TRIM24: variants seen among roughly 807,000 people sequenced by gnomAD.
TRIM24 encodes the protein tripartite motif containing 24.
Under a neutral mutation model 123.9 loss-of-function variants are expected in TRIM24, and 29 were observed. The observed-to-expected ratio is 0.23, with a 90% CI of 0.17 to 0.32. TRIM24 has a LOEUF of 0.32. Among genes scored for constraint, TRIM24 ranks in the 10% least tolerant of loss-of-function variants. The pLI is 1.00. For synonymous variants in TRIM24, 456 were observed against 461.1 expected (o/e 0.99, Z 0.14); for missense variants, 932 against 1,295.3 (o/e 0.72, Z 4.31).
intron 1 of TRIM24, among the ~76,000 whole-genome samples, chr7:138,493,734 G>A (rs1261165074): frequency 1.3e-5 from 2 of 152,056 alleles, no homozygotes; most frequent in Admixed American, 6.6e-5. Flanking sequence ...TAGCAACAGC[G>A]AGCCATTCTA....
At chr7:138,561,874 A>G (rs1333676632) in intron 9 of TRIM24, among the ~76,000 whole-genome samples, 1 of 152,112 alleles carries the variant, frequency 6.6e-6, no homozygotes, top group Non-Finnish European at 1.5e-5. Context: ...TTGTGGCTTC[A>G]TATAATGGCT....
intron 1 of TRIM24, among the ~76,000 whole-genome samples, chr7:138,468,506 T>C (rs1795201281): frequency 1.3e-5 from 2 of 152,222 alleles, no homozygotes; most frequent in Non-Finnish European, 2.9e-5. Context: ...ATTTTTCCCA[T>C]GCTTTTACTT....
intron 4 of TRIM24, among the ~76,000 whole-genome samples, chr7:138,524,005 A>G (rs1249788520): frequency 6.6e-6 from 1 of 152,144 alleles, no homozygotes. Context: ...TAGTATTGTC[A>G]TTTTGGGACA....
intron 5 of TRIM24, among the ~76,000 whole-genome samples, chr7:138,527,111 T>G (rs1290150495): frequency 6.6e-6 from 1 of 152,178 alleles, no homozygotes; most frequent in East Asian, 1.9e-4. Context: ...TGTTGAATTG[T>G]TTTTCAGCAC....
At chr7:138,463,940 A>C (rs1459299645) in intron 1 of TRIM24, among the ~76,000 whole-genome samples, 4 of 135,090 alleles carry the variant, frequency 3.0e-5, no homozygotes, top group Non-Finnish European at 6.3e-5. Context: ...TTGTCCCTTT[A>C]TCTCTCCTTG....
intron 1 of TRIM24, among the ~76,000 whole-genome samples, chr7:138,499,113 T>A (rs1475592736): frequency 6.6e-6 from 1 of 152,180 alleles, no homozygotes; most frequent in East Asian, 1.9e-4. Context: ...CTGTATCAAT[T>A]TCTACATTAT....
rs111799636 is a variant in TRIM24, at chr7:138,547,376, A to G, written c.1144-3687A>G. Among the ~76,000 whole-genome samples the G allele has an allele frequency of 5.2e-3, 798 of 152,318 alleles. 7 individuals are homozygous for G. The highest frequency in any genetic ancestry group is 0.017 in the African/African-American group (692 of 41,568). On this transcript the variant is annotated intron_variant, in intron 7 of 18. Coordinates refer to ENST00000343526, the MANE Select transcript of TRIM24 (RefSeq NM_015905.3). Reference sequence around the variant, plus strand: ...TGTGTTTGTATTCTTGAAAATTGCTAAGAGAATTGATTTTAAGTGTTCTCA... The same window carrying G: ...TGTGTTTGTATTCTTGAAAATTGCTGAGAGAATTGATTTTAAGTGTTCTCA...
In TRIM24 at chr7:138,585,139, GA is replaced by G; in HGVS notation, c.*191del. 2.4e-6 allele frequency: 1 copy of G among 417,680 alleles called. No homozygotes were observed. Among genetic ancestry groups the G allele is most frequent in the Non-Finnish European group, 4.2e-6 (1 of 239,338 alleles). The allele number at this position is 417,680 out of a possible 1,614,324, so 25.9% of individuals were successfully genotyped here. The stretch of plus-strand genomic sequence containing the variant: ...AACCTCTTATCACTAAGAAAGAAAG[GA>G]AAGAAGGAGATGAATAGAAGAAAGA... On this transcript the variant is annotated 3_prime_UTR_variant, in exon 19 of 19. Coordinates refer to ENST00000343526, the MANE Select transcript of TRIM24 (RefSeq NM_015905.3).
chr7:138,519,455 G>T (rs1378321728), intron 4 of TRIM24, 134 bp downstream of exon 4: 4 of 989,736 alleles, frequency 4.0e-6, no homozygotes, highest in Non-Finnish European at 5.9e-6. Context: ...CTGTACTGGG[G>T]TTTGTCACTT....
At chr7:138,478,726 G>A (rs565720770) in intron 1 of TRIM24, among the ~76,000 whole-genome samples, 12 of 152,166 alleles carry the variant, frequency 7.9e-5, no homozygotes, top group Non-Finnish European at 1.6e-4. Context: ...AGAAGGGGCA[G>A]GAGAGGGAAA....
At position 138,460,927 on chromosome 7, in the gene TRIM24, C is replaced by T. The variant is rs750222314; in HGVS notation, c.364+15C>T. The T allele has an allele frequency of 1.4e-6, 2 of 1,430,042 alleles. No individual in the cohort carries two copies. The highest frequency in any genetic ancestry group is 1.4e-5 in the South Asian group (1 of 69,572). The allele number at this position is 1,430,042 out of a possible 1,614,324, so 88.6% of individuals were successfully genotyped here. On this transcript the variant is annotated intron_variant, in intron 1 of 18. Coordinates refer to ENST00000343526, the MANE Select transcript of TRIM24 (RefSeq NM_015905.3). ...CGCCACCCAAGGTGAGAACCGGCCGCGGCCGCTGGGGAGCCCGGGGAGAGG... is the reference window on the plus strand; with the variant it reads ...CGCCACCCAAGGTGAGAACCGGCCGTGGCCGCTGGGGAGCCCGGGGAGAGG...
chr7:138,535,836 G>A (rs1199164962), intron 6 of TRIM24, among the ~76,000 whole-genome samples: 5 of 151,916 alleles, frequency 3.3e-5, no homozygotes, highest in South Asian at 2.1e-4. Context: ...CATTCTCCCC[G>A]TCACTTTCAG....
chr7:138,522,789 T>A (rs1414364137), intron 4 of TRIM24, among the ~76,000 whole-genome samples: 1 of 152,206 alleles, frequency 6.6e-6, no homozygotes, highest in Non-Finnish European at 1.5e-5. Context: ...ATATGATCTC[T>A]ATATACTTGC....
chr7:138,541,185 C>T (rs185140716), intron 7 of TRIM24, among the ~76,000 whole-genome samples: 59 of 152,066 alleles, frequency 3.9e-4, no homozygotes, highest in African/African-American at 1.4e-3. Context: ...TACTTGAGGC[C>T]ATGCACCTAT....
At chr7:138,571,397 A>C (rs531946317) in intron 11 of TRIM24, among the ~76,000 whole-genome samples, 3 of 152,362 alleles carry the variant, frequency 2.0e-5, no homozygotes, top group Admixed American at 2.0e-4. Context: ...ATCCTTTAGA[A>C]TATTACAACA....
chr7:138,588,211 C>T lies in TRIM24; in HGVS notation c.*3260C>T, dbSNP rs1397333700. On this transcript the variant is annotated 3_prime_UTR_variant, in exon 19 of 19. Transcript: ENST00000343526. ...ATGCTGTTACTGTGCTTAGACACTT[C>T]CTTACGTTTGAGTTCCAAGGAGAGA... 4 of 152,172 alleles carry T rather than the reference C, an allele frequency of 2.6e-5. No individual in the cohort carries two copies. The highest frequency in any genetic ancestry group is 5.9e-5 in the Non-Finnish European group (4 of 68,036). 9.4% of individuals were successfully genotyped at this position (152,172 alleles called of 1,614,324 possible).
intron 1 of TRIM24, chr7:138,490,866 A>G (rs11773577): frequency 0.1 from 46,726 of 448,566 alleles, 2,873 homozygotes; most frequent in South Asian, 0.15. Context: ...GATTTCCAGC[A>G]TCTTCTTCTG....
chr7:138,534,967 T>C (rs1031039855), intron 6 of TRIM24, among the ~76,000 whole-genome samples: 6 of 152,238 alleles, frequency 3.9e-5, no homozygotes, highest in Non-Finnish European at 5.9e-5. Flanking sequence ...TACCATTATG[T>C]AATGGCCTTC....
intron 14 of TRIM24, among the ~76,000 whole-genome samples, chr7:138,578,995 C>T (rs1797835029): frequency 6.7e-6 from 1 of 149,362 alleles, no homozygotes; most frequent in Non-Finnish European, 1.5e-5. Flanking sequence ...TGTAGCCATC[C>T]CCAGACTTAG....
Sources: allele counts gnomAD v4.1 joint callset (sites outside exome capture counted in the v4.1 genomes callset), GRCh38; gene constraint gnomAD v4.1.1; transcripts MANE v1.5; gene names NCBI Gene and HGNC (gene_info 2026-07-23, HGNC 2026-07-21).